The following INPP4A variants were observed in gnomAD, a reference collection of about 807,000 sequenced individuals.
INPP4A encodes the protein inositol polyphosphate-4-phosphatase, type I, 107kD.
A neutral mutation model predicts 119.8 loss-of-function variants in INPP4A; 33 were observed. The ratio of observed to expected loss-of-function variants is 0.28; its 90% CI spans 0.21 to 0.37. The LOEUF is 0.37. Among genes scored for constraint, INPP4A ranks in the 10% least tolerant of loss-of-function variants. INPP4A has a pLI of 1.00. For missense variants in INPP4A, 956 were observed against 1,289.9 expected (o/e 0.74, Z 3.97); for synonymous variants, 496 against 500.7 (o/e 0.99, Z 0.12).
chr2:98,472,915 G>A (rs560770393), intron 1 of INPP4A, among the ~76,000 whole-genome samples: 1 of 152,296 alleles, frequency 6.6e-6, no homozygotes, highest in South Asian at 2.1e-4. Flanking sequence ...CCACAGTGTG[G>A]GAGTGCCCTA....
At chr2:98,452,826 C>T (rs1254514441) in intron 1 of INPP4A, among the ~76,000 whole-genome samples, 1 of 152,200 alleles carries the variant, frequency 6.6e-6, no homozygotes, top group African/African-American at 2.4e-5. Context: ...GTCTACCTGG[C>T]TGGTGCTGAA....
intron 1 of INPP4A, among the ~76,000 whole-genome samples, chr2:98,467,611 T>C (rs1675064992): frequency 2.0e-5 from 3 of 152,240 alleles, no homozygotes; most frequent in African/African-American, 7.2e-5. Flanking sequence ...TGGATTTAAC[T>C]TCTGTGTTCT....
chr2:98,480,457 C>A (rs774788023), intron 1 of INPP4A, among the ~76,000 whole-genome samples: 1 of 152,192 alleles, frequency 6.6e-6, no homozygotes, highest in Non-Finnish European at 1.5e-5. Flanking sequence ...TATGCTCTTA[C>A]GACACAGAGC....
At position 98,539,764 on chromosome 2, in the gene INPP4A, CAGAT is replaced by C. The variant is rs539482786; in HGVS notation, c.818+93_818+96del. 1.2e-4 allele frequency: 159 copies of C among 1,336,986 alleles called. 1 individual carries two copies. The African/African-American group carries it at 2.1e-3, about 18-fold the overall frequency. 82.8% of individuals were successfully genotyped at this position (1,336,986 alleles called of 1,614,324 possible). ...GATATAGCGGGCAGAGCACTGGCAT[CAGAT>C]AGACTGGACTGCAAACACAGCCTCT... On this transcript the variant is annotated intron_variant, in intron 10 of 24. Transcript: ENST00000409851.
chr2:98,538,072 G>C (rs1204705673), intron 8 of INPP4A, 98 bp downstream of exon 8: 9 of 776,188 alleles, frequency 1.2e-5, no homozygotes, highest in Non-Finnish European at 1.9e-5. Context: ...GCTCAGCAAA[G>C]GGCAGGGCCT....
chr2:98,446,210 C>G (rs773251223), intron 1 of INPP4A, among the ~76,000 whole-genome samples: 1 of 152,192 alleles, frequency 6.6e-6, no homozygotes, highest in African/African-American at 2.4e-5. Context: ...TTGGCGTTGG[C>G]CAGTGCACGT....
At chr2:98,484,949 C>T (rs937764084) in intron 1 of INPP4A, among the ~76,000 whole-genome samples, 1 of 152,068 alleles carries the variant, frequency 6.6e-6, no homozygotes, top group South Asian at 2.1e-4. Context: ...GGTAATGCTG[C>T]AGTGAGCATC....
rs958194714 is a variant in INPP4A at position 98,546,351 on chromosome 2, G to T, written c.1055-235G>T. ...GGATGCAAACGGGAGTTACAGGGTG[G>T]CTTCCTGCAGCCCTTGTGGCTCCAC... On this transcript the variant is annotated intron_variant, in intron 12 of 24. Coordinates refer to ENST00000409851, the MANE Select transcript of INPP4A (RefSeq NM_001134225.2). This position sits in a 1 kb window ranked among gnomAD's most constrained non-coding sequence, Gnocchi z 4.2. Among the ~76,000 whole-genome samples the T allele has an allele frequency of 6.6e-6, 1 of 152,244 alleles. No individual in the cohort carries two copies. The highest frequency in any genetic ancestry group is 1.5e-5 in the Non-Finnish European group (1 of 68,048).
At chr2:98,475,042 G>C (rs1175964186) in intron 1 of INPP4A, among the ~76,000 whole-genome samples, 1 of 152,066 alleles carries the variant, frequency 6.6e-6, no homozygotes, top group Non-Finnish European at 1.5e-5. Flanking sequence ...TAAGCAGAGG[G>C]TATTTATTTC....
Position 98,554,593 on chromosome 2 carries a change from G to A in INPP4A, c.1566+104G>A. Reference sequence around the variant, plus strand: ...CTCTGAAGTGCCTCAAGGTTCAACTGCTGTGAACAAGCTCCAGGTTTCCTT... The same window carrying A: ...CTCTGAAGTGCCTCAAGGTTCAACTACTGTGAACAAGCTCCAGGTTTCCTT... On this transcript the variant is annotated intron_variant, in intron 15 of 24. Transcript: ENST00000409851. The surrounding 1 kb of genome is among the most constrained non-coding windows in gnomAD (Gnocchi z 4.7). 1.0e-6 allele frequency: 1 copy of A among 969,026 alleles called. No homozygotes were observed. The highest frequency in any genetic ancestry group is 1.6e-6 in the Non-Finnish European group (1 of 640,288). 60.0% of individuals were successfully genotyped at this position (969,026 alleles called of 1,614,324 possible).
At chr2:98,491,017 T>A (rs894177961) in intron 1 of INPP4A, among the ~76,000 whole-genome samples, 2 of 152,254 alleles carry the variant, frequency 1.3e-5, no homozygotes, top group African/African-American at 4.8e-5. Context: ...GTTACTTTTT[T>A]AAATGTTGAC....
chr2:98,491,318 C>T (rs771483407), intron 1 of INPP4A, among the ~76,000 whole-genome samples: 1 of 152,206 alleles, frequency 6.6e-6, no homozygotes, highest in Non-Finnish European at 1.5e-5. Flanking sequence ...CCATCCTGGA[C>T]GCAGCGCCAC....
intron 17 of INPP4A, among the ~76,000 whole-genome samples, chr2:98,563,077 G>A (rs936136371): frequency 6.6e-6 from 1 of 152,188 alleles, no homozygotes; most frequent in Non-Finnish European, 1.5e-5. Context: ...CTCTCCGGGT[G>A]GAGGTGCTAC....
chr2:98,575,851 A>G (rs1036089734), intron 23 of INPP4A, among the ~76,000 whole-genome samples: 27 of 152,222 alleles, frequency 1.8e-4, no homozygotes, highest in African/African-American at 6.3e-4. Flanking sequence ...GTCATAGTGC[A>G]GTATCTGATA....
At chr2:98,498,987 G>A (rs147595388) in intron 1 of INPP4A, among the ~76,000 whole-genome samples, 1 of 152,244 alleles carries the variant, frequency 6.6e-6, no homozygotes, top group East Asian at 1.9e-4. Flanking sequence ...ATTTTGTTAT[G>A]GCAACCTGAG....
At chr2:98,542,988 T>C (rs925082891) in intron 10 of INPP4A, among the ~76,000 whole-genome samples, 4 of 151,958 alleles carry the variant, frequency 2.6e-5, no homozygotes, top group African/African-American at 4.8e-5. Context: ...GGTGCGATCC[T>C]GGCTCACTGC....
chr2:98,568,329 T>C (rs189293538), intron 21 of INPP4A, among the ~76,000 whole-genome samples: 32 of 152,332 alleles, frequency 2.1e-4, no homozygotes, highest in African/African-American at 7.0e-4. Context: ...CACATCATGT[T>C]CTGGTCATCT....
chr2:98,544,071 T>C (rs1692035709), intron 11 of INPP4A, 64 bp downstream of exon 11: 5 of 1,389,432 alleles, frequency 3.6e-6, no homozygotes, highest in Admixed American at 2.1e-5. Flanking sequence ...ACACTCTCAC[T>C]CTCACTCAGT....
intron 1 of INPP4A, among the ~76,000 whole-genome samples, chr2:98,454,443 C>T (rs1227816239): frequency 2.0e-5 from 3 of 152,128 alleles, no homozygotes; most frequent in Non-Finnish European, 2.9e-5. Flanking sequence ...GAACCCAAGT[C>T]AGCTTTCTCA....
Sources: gnomAD v4.1 joint callset for allele counts (sites outside exome capture counted in the v4.1 genomes callset) on GRCh38, gnomAD v4.1.1 for gene constraint, Gnocchi (gnomAD v3.1) non-coding constraint, MANE v1.5 for transcripts, NCBI Gene and HGNC (gene_info 2026-07-23, HGNC 2026-07-21) for gene names.